Variants in CFAP20DC observed in about 807,000 individuals in gnomAD.
CFAP20DC encodes the protein protein CFAP20DC.
A neutral mutation model predicts 101.7 loss-of-function variants in CFAP20DC; 84 were observed. The observed-to-expected ratio is 0.83, with a 90% CI of 0.69 to 0.99. The LOEUF (loss-of-function observed/expected upper bound fraction) is 0.99, where lower values mean the gene tolerates loss of function less well. Among genes scored for constraint, CFAP20DC ranks in the 50% least tolerant of loss-of-function variants. The pLI is 0.00. For synonymous variants in CFAP20DC, 359 were observed against 351.2 expected (o/e 1.02, Z -0.25); for missense variants, 1,007 against 970.3 (o/e 1.04, Z -0.50).
At chr3:58,875,548 A>G (rs1486276280) in intron 7 of CFAP20DC, among the ~76,000 whole-genome samples, 3 of 152,116 alleles carry the variant, frequency 2.0e-5, no homozygotes, top group Admixed American at 6.5e-5. Context: ...TGGGAGCTCA[A>G]TGTTCAGCTA....
At chr3:58,774,717 A>C (rs573356684) in intron 15 of CFAP20DC, among the ~76,000 whole-genome samples, 1 of 152,360 alleles carries the variant, frequency 6.6e-6, no homozygotes, top group South Asian at 2.1e-4. Context: ...ATGATGAGCA[A>C]ATCAGAAAAT....
chr3:58,744,338 T>C (rs1436794933), intron 16 of CFAP20DC, among the ~76,000 whole-genome samples: 2 of 152,208 alleles, frequency 1.3e-5, no homozygotes, highest in East Asian at 1.9e-4. Flanking sequence ...GTGTTCTTTC[T>C]ACCAGTCAGA....
chr3:58,930,580 G>A (rs184470889), intron 5 of CFAP20DC, among the ~76,000 whole-genome samples: 163 of 152,316 alleles, frequency 1.1e-3, no homozygotes, highest in African/African-American at 3.5e-3. Flanking sequence ...AGCTGAACAT[G>A]TATCTAATCC....
chr3:59,035,185 C>A (rs1275475662), intron 4 of CFAP20DC, among the ~76,000 whole-genome samples: 1 of 152,080 alleles, frequency 6.6e-6, no homozygotes, highest in African/African-American at 2.4e-5. Flanking sequence ...TGAAACACAG[C>A]TAAAGCAGTG....
chr3:58,874,164 GAA>G lies in CFAP20DC; in HGVS notation c.716-3857_716-3856del, dbSNP rs2108564978. On this transcript the variant is annotated intron_variant, in intron 7 of 16. Transcript: ENST00000482387. This position sits in a 1 kb window ranked among gnomAD's most constrained non-coding sequence, Gnocchi z 5.1. ...CTTCAAACTGGAAACCTGGTCTAAT[GAA>G]TGGGACCACAATCCATCTGGTTTGA... Among the ~76,000 whole-genome samples, 1 of 152,340 alleles carries G rather than the reference GAA, an allele frequency of 6.6e-6. No homozygotes were observed. The highest frequency in any genetic ancestry group is 2.4e-5 in the African/African-American group (1 of 41,588).
intron 15 of CFAP20DC, among the ~76,000 whole-genome samples, chr3:58,793,197 C>T (rs2072992896): frequency 6.6e-6 from 1 of 152,144 alleles, no homozygotes. Context: ...ATTTCCTACA[C>T]ATTTTTCACA....
At chr3:58,789,237 C>A (rs1188376685) in intron 15 of CFAP20DC, among the ~76,000 whole-genome samples, 1 of 152,116 alleles carries the variant, frequency 6.6e-6, no homozygotes, top group Non-Finnish European at 1.5e-5. Context: ...CCTTTTCTAA[C>A]TTTAACGAGA....
intron 4 of CFAP20DC, among the ~76,000 whole-genome samples, chr3:58,947,167 G>A (rs2089476495): frequency 6.6e-6 from 1 of 152,092 alleles, no homozygotes; most frequent in African/African-American, 2.4e-5. Flanking sequence ...TGCTTCCTCT[G>A]GGAAGGAAAG....
chr3:58,772,787 CAAAAAATTT>C (rs1293846566), intron 15 of CFAP20DC, among the ~76,000 whole-genome samples: 1 of 151,890 alleles, frequency 6.6e-6, no homozygotes, highest in Admixed American at 6.6e-5. Flanking sequence ...TGTACAAATC[CAAAAAATTT>C]AAAAAAGTTG....
At chr3:58,857,410 C>T (rs2078924070) in intron 12 of CFAP20DC, among the ~76,000 whole-genome samples, 1 of 152,114 alleles carries the variant, frequency 6.6e-6, no homozygotes, top group Non-Finnish European at 1.5e-5. Context: ...TATACATAGA[C>T]ATATTCATGA....
At position 58,995,658 on chromosome 3, in the gene CFAP20DC, C is replaced by T. The variant is rs144205994; in HGVS notation, c.278+43899G>A. 5.1e-4 allele frequency among the ~76,000 whole-genome samples: 78 copies of T among 152,252 alleles called. 1 individual carries two copies. Among genetic ancestry groups the T allele is most frequent in the African/African-American group, 1.8e-3 (76 of 41,552 alleles). On this transcript the variant is annotated intron_variant, in intron 4 of 16. Transcript: ENST00000482387. ...GGTGTTTTTGGCCGAGATTAACACA[C>T]AAATCAGTAGACTGAGTGAAGTAAA...
chr3:59,025,287 TAAGTC>T (rs2093874297), intron 4 of CFAP20DC, among the ~76,000 whole-genome samples: 1 of 152,086 alleles, frequency 6.6e-6, no homozygotes, highest in Admixed American at 6.6e-5. Context: ...AGAACTTGCA[TAAGTC>T]AATAGTCAAG....
In CFAP20DC at chr3:58,859,941, A is replaced by C. The variant is rs1650880392; in HGVS notation, c.1593+3617T>G. 6.6e-6 allele frequency among the ~76,000 whole-genome samples: 1 copy of C among 151,990 alleles called. No homozygotes were observed. Among genetic ancestry groups the C allele is most frequent in the Non-Finnish European group, 1.5e-5 (1 of 67,974 alleles). ...TGCCTGTAATCCCAGCACTTTCGGA[A>C]GCCGAGGCAGGCAGATCACGAGGTC... On this transcript the variant is annotated intron_variant, in intron 12 of 16. Transcript: ENST00000482387. This position sits in a 1 kb window ranked among gnomAD's most constrained non-coding sequence, Gnocchi z 4.1.
chr3:58,845,559 T>A (rs1174851058), intron 13 of CFAP20DC, among the ~76,000 whole-genome samples: 1 of 151,930 alleles, frequency 6.6e-6, no homozygotes, highest in South Asian at 2.1e-4. Flanking sequence ...ACCAGATGGA[T>A]TCACAGCCGA....
At chr3:58,839,762 G>A (rs764164276) in intron 13 of CFAP20DC, among the ~76,000 whole-genome samples, 3 of 152,044 alleles carry the variant, frequency 2.0e-5, no homozygotes, top group Non-Finnish European at 4.4e-5. Context: ...TAGAATTTCC[G>A]AAACTTTTGA....
intron 6 of CFAP20DC, among the ~76,000 whole-genome samples, chr3:58,906,495 A>C (rs1160320561): frequency 6.6e-6 from 1 of 152,130 alleles, no homozygotes; most frequent in Non-Finnish European, 1.5e-5. Flanking sequence ...ACCATACTGA[A>C]CTTGTTCCTT....
At chr3:58,940,659 T>C (rs2088417485) in intron 4 of CFAP20DC, among the ~76,000 whole-genome samples, 1 of 152,246 alleles carries the variant, frequency 6.6e-6, no homozygotes, top group Non-Finnish European at 1.5e-5. Flanking sequence ...TCTATTCTTA[T>C]ACCAATAATA....
chr3:58,849,555 A>G, intron 12 of CFAP20DC, 146 bp from the exon 13 acceptor site: 2 of 624,276 alleles, frequency 3.2e-6, no homozygotes, highest in Non-Finnish European at 5.3e-6. Flanking sequence ...TGCAAAGAAA[A>G]ACATGAGTAA....
intron 15 of CFAP20DC, among the ~76,000 whole-genome samples, chr3:58,763,925 A>T (rs58715493): frequency 1.3e-5 from 2 of 152,128 alleles, no homozygotes; most frequent in South Asian, 2.1e-4. Flanking sequence ...ATACCTGGCC[A>T]TGTGAGGTGT....
Sources: allele counts gnomAD v4.1 joint callset (sites outside exome capture counted in the v4.1 genomes callset), GRCh38; gene constraint gnomAD v4.1.1; non-coding constraint Gnocchi (gnomAD v3.1); transcripts MANE v1.5; gene names NCBI Gene and HGNC (gene_info 2026-07-23, HGNC 2026-07-21).